NKAIN3: variants seen among roughly 807,000 people sequenced by gnomAD.
NKAIN3 encodes the protein sodium/potassium transporting ATPase interacting 3, also known as sodium/potassium-transporting ATPase subunit beta-1-interacting protein 3.
A neutral mutation model predicts 30.2 loss-of-function variants in NKAIN3; 25 were observed. The ratio of observed to expected loss-of-function variants is 0.83; its 90% CI spans 0.60 to 1.16. The LOEUF (loss-of-function observed/expected upper bound fraction) is 1.16. Among genes scored for constraint, NKAIN3 ranks in the 50% most tolerant of loss-of-function variants. The pLI, the probability that NKAIN3 is intolerant of heterozygous loss-of-function variation, is 0.00. For synonymous variants in NKAIN3, 91 were observed against 89.6 expected, an observed-to-expected ratio of 1.02 and a Z score of -0.09; for missense variants, 225 against 254.1, an observed-to-expected ratio of 0.89 and a Z score of 0.78.
intron 1 of NKAIN3, among the ~76,000 whole-genome samples, chr8:62,562,937 T>C (rs368402616): frequency 5.9e-5 from 9 of 152,122 alleles, no homozygotes; most frequent in East Asian, 5.8e-4. Flanking sequence ...CCCTGTCTCC[T>C]GTCGTCTCAT....
intron 2 of NKAIN3, among the ~76,000 whole-genome samples, chr8:62,584,835 C>T (rs868502216): frequency 6.6e-6 from 1 of 152,194 alleles, no homozygotes; most frequent in Non-Finnish European, 1.5e-5. Context: ...GCACCCTACC[C>T]GGCTGTCATC....
At chr8:62,629,351 T>A (rs1297370244) in intron 3 of NKAIN3, among the ~76,000 whole-genome samples, 1 of 152,136 alleles carries the variant, frequency 6.6e-6, no homozygotes, top group Non-Finnish European at 1.5e-5. Context: ...GCTCAGTTTC[T>A]TCATCTGTCA....
chr8:62,265,766 G>A (rs1056482588), intron 1 of NKAIN3, among the ~76,000 whole-genome samples: 4 of 151,994 alleles, frequency 2.6e-5, no homozygotes, highest in Non-Finnish European at 2.9e-5. Context: ...CACTGTAACC[G>A]GGTGACTTCA....
At chr8:62,870,691 C>CTATA (rs1820608201) in intron 4 of NKAIN3, among the ~76,000 whole-genome samples, 4 of 116,542 alleles carry the variant, frequency 3.4e-5, no homozygotes, top group Non-Finnish European at 6.7e-5. Flanking sequence ...CTATATCTCT[C>CTATA]TATCTATATA....
At chr8:62,734,095 G>A (rs1025467321) in intron 3 of NKAIN3, among the ~76,000 whole-genome samples, 1 of 152,116 alleles carries the variant, frequency 6.6e-6, no homozygotes, top group African/African-American at 2.4e-5. Context: ...CTACCTGGGT[G>A]ATATAGTGGG....
chr8:62,347,340 A>C (rs1011974315), intron 1 of NKAIN3, among the ~76,000 whole-genome samples: 3 of 152,138 alleles, frequency 2.0e-5, no homozygotes, highest in African/African-American at 7.2e-5. Context: ...CAGTAGAGAG[A>C]AAAAGGAGTT....
At chr8:62,613,290 A>G (rs1344710649) in intron 3 of NKAIN3, among the ~76,000 whole-genome samples, 3 of 152,130 alleles carry the variant, frequency 2.0e-5, no homozygotes, top group Admixed American at 6.6e-5. Flanking sequence ...TGCACTGGAT[A>G]TACTATTCTA....
Position 62,965,743 on chromosome 8 carries a change from C to A in NKAIN3, c.*336C>A, listed in dbSNP as rs968776211. ...TTCTACAGTCAATTCTAAGAGAAAT[C>A]TCAGTGTGTGCTGTGGAGATGTTAA... On this transcript the variant is annotated 3_prime_UTR_variant, in exon 7 of 7. Transcript: ENST00000623646. 15 of 984,604 alleles carry A rather than the reference C, an allele frequency of 1.5e-5. No homozygotes were observed. The highest frequency in any genetic ancestry group is 1.8e-5 in the Non-Finnish European group (15 of 829,456). 61.0% of individuals were successfully genotyped at this position (984,604 alleles called of 1,614,324 possible).
Position 62,974,735 on chromosome 8 carries a change from G to A in NKAIN3, c.*9328G>A, listed in dbSNP as rs1305165646. ...TGGTGAGACAAGCCACCCTTGTCTT[G>A]CGCCAGTTTTCAAAGGGAGTGCTTC... is the stretch of plus-strand genomic sequence containing the variant. On this transcript the variant is annotated 3_prime_UTR_variant, in exon 7 of 7. Coordinates refer to ENST00000623646, the MANE Select transcript of NKAIN3 (RefSeq NM_001304533.3). 6.6e-6 allele frequency among the ~76,000 whole-genome samples: 1 copy of A among 152,138 alleles called. No homozygotes were observed. Among genetic ancestry groups the A allele is most frequent in the Non-Finnish European group, 1.5e-5 (1 of 68,044 alleles).
chr8:62,603,867 G>A (rs1366114819), intron 3 of NKAIN3, among the ~76,000 whole-genome samples: 2 of 152,100 alleles, frequency 1.3e-5, no homozygotes, highest in Non-Finnish European at 2.9e-5. Flanking sequence ...AGAAATATGT[G>A]AAAAATGATT....
At chr8:62,708,999 A>G (rs763434868) in intron 3 of NKAIN3, among the ~76,000 whole-genome samples, 3 of 152,038 alleles carry the variant, frequency 2.0e-5, no homozygotes, top group African/African-American at 4.8e-5. Flanking sequence ...TTTATTTTTA[A>G]TTCTGTTTAC....
chr8:62,339,830 T>G (rs1815683907), intron 1 of NKAIN3, among the ~76,000 whole-genome samples: 2 of 152,034 alleles, frequency 1.3e-5, no homozygotes, highest in African/African-American at 2.4e-5. Flanking sequence ...GTGGGCTGAT[T>G]GTTAAAGAAA....
At chr8:62,809,928 A>G (rs932012525) in intron 4 of NKAIN3, among the ~76,000 whole-genome samples, 2 of 152,128 alleles carry the variant, frequency 1.3e-5, no homozygotes, top group East Asian at 3.9e-4. Flanking sequence ...ACTTATTTTT[A>G]TGACAGTGAA....
At chr8:62,633,936 G>T (rs939022151) in intron 3 of NKAIN3, among the ~76,000 whole-genome samples, 2 of 152,082 alleles carry the variant, frequency 1.3e-5, no homozygotes, top group Admixed American at 1.3e-4. Flanking sequence ...GGGTAGGAGG[G>T]TTCAGTATTA....
intron 4 of NKAIN3, among the ~76,000 whole-genome samples, chr8:62,812,946 A>T (rs1484170455): frequency 2.0e-5 from 3 of 151,876 alleles, no homozygotes; most frequent in Non-Finnish European, 4.4e-5. Flanking sequence ...TGTGTTTGTT[A>T]TCTTTTCTTG....
chr8:62,290,631 A>T (rs1231254270), intron 1 of NKAIN3, among the ~76,000 whole-genome samples: 3 of 152,238 alleles, frequency 2.0e-5, no homozygotes, highest in South Asian at 4.1e-4. Context: ...GTGCTGCTGG[A>T]TTCAGTTTGC....
intron 4 of NKAIN3, among the ~76,000 whole-genome samples, chr8:62,751,093 G>A (rs1816267624): frequency 6.6e-6 from 1 of 152,090 alleles, no homozygotes. Context: ...TACTGTGCAA[G>A]GGAGGCCCTC....
intron 1 of NKAIN3, among the ~76,000 whole-genome samples, chr8:62,505,091 G>A (rs557121496): frequency 1.6e-4 from 25 of 152,282 alleles, no homozygotes; most frequent in African/African-American, 5.5e-4. Flanking sequence ...TAGTAAGAAA[G>A]AAATTCAAAT....
chr8:62,733,243 T>TTGCC (rs1352685525), intron 3 of NKAIN3, among the ~76,000 whole-genome samples: 3 of 152,158 alleles, frequency 2.0e-5, no homozygotes, highest in Admixed American at 1.3e-4. Context: ...CACCCTGTTT[T>TTGCC]TGCCTCATAA....
Sources: allele counts gnomAD v4.1 joint callset (sites outside exome capture counted in the v4.1 genomes callset), GRCh38; gene constraint gnomAD v4.1.1; transcripts MANE v1.5; gene names NCBI Gene and HGNC (gene_info 2026-07-23, HGNC 2026-07-21).